The following DAB1 variants were observed in gnomAD, a reference collection of about 807,000 sequenced individuals.
DAB1 encodes disabled homolog 1.
A neutral mutation model predicts 64.6 loss-of-function variants in DAB1; 15 were observed. The ratio of observed to expected loss-of-function variants is 0.23; its 90% CI spans 0.16 to 0.36. The LOEUF (loss-of-function observed/expected upper bound fraction) is 0.36, where lower values mean the gene tolerates loss of function less well. Among genes scored for constraint, DAB1 ranks in the 10% least tolerant of loss-of-function variants. The probability of loss-of-function intolerance (pLI) is 1.00; values close to 1 mark genes in which losing one functional copy is unlikely to be tolerated. For synonymous variants in DAB1, 235 were observed against 251.9 expected (o/e 0.93, Z 0.64); for missense variants, 596 against 706.7 (o/e 0.84, Z 1.78).
intron 3 of DAB1, among the ~76,000 whole-genome samples, chr1:58,406,709 TCCCC>T (rs747746927): frequency 1.8e-4 from 13 of 72,910 alleles, no homozygotes; most frequent in East Asian, 1.5e-3. Flanking sequence ...GATAATATCA[TCCCC>T]CCCCCCCAAC....
chr1:57,710,939 C>T (rs1647020855), intron 6 of DAB1, among the ~76,000 whole-genome samples: 2 of 152,082 alleles, frequency 1.3e-5, no homozygotes, highest in African/African-American at 4.8e-5. Flanking sequence ...GCAGGAGGGT[C>T]AGGGAGGCAG....
At chr1:58,380,268 C>T (rs567888809) in intron 3 of DAB1, among the ~76,000 whole-genome samples, 1 of 152,324 alleles carries the variant, frequency 6.6e-6, no homozygotes, top group Non-Finnish European at 1.5e-5. Context: ...AGTGAGCTCT[C>T]ATAAGATCAG....
At chr1:57,423,070 T>C (rs1685051619) in intron 1 of DAB1, among the ~76,000 whole-genome samples, 1 of 151,786 alleles carries the variant, frequency 6.6e-6, no homozygotes, top group Non-Finnish European at 1.5e-5. Context: ...TCGGACTCCC[T>C]GCCTCTGGGT....
intron 3 of DAB1, among the ~76,000 whole-genome samples, chr1:58,430,084 T>C (rs998507224): frequency 2.0e-5 from 3 of 152,132 alleles, no homozygotes; most frequent in African/African-American, 7.2e-5. Flanking sequence ...TCTAATCACC[T>C]CCTAAAGGCC....
At chr1:57,117,866 A>AT (rs1187412054) in intron 4 of DAB1, among the ~76,000 whole-genome samples, 1 of 126,372 alleles carries the variant, frequency 7.9e-6, no homozygotes, top group Non-Finnish European at 1.6e-5. Flanking sequence ...AAGTAGTGGG[A>AT]TTTTTGAGGG....
intron 1 of DAB1, among the ~76,000 whole-genome samples, chr1:57,357,850 C>A (rs1014995927): frequency 4.0e-5 from 6 of 151,856 alleles, no homozygotes; most frequent in African/African-American, 1.5e-4. Flanking sequence ...ATGGGGGTAA[C>A]CATCCCCATG....
chr1:57,098,426 G>T (rs1283127995), intron 4 of DAB1, among the ~76,000 whole-genome samples: 3 of 152,158 alleles, frequency 2.0e-5, no homozygotes, highest in Non-Finnish European at 4.4e-5. Context: ...TTGAACTCAG[G>T]ACTATATGAA....
At chr1:57,785,453 C>A (rs928987256) in intron 6 of DAB1, among the ~76,000 whole-genome samples, 19 of 152,158 alleles carry the variant, frequency 1.2e-4, no homozygotes, top group African/African-American at 4.3e-4. Context: ...ATTCATCATT[C>A]TTCATGCCAT....
chr1:57,380,807 T>G (rs767627539), intron 1 of DAB1, among the ~76,000 whole-genome samples: 4 of 152,156 alleles, frequency 2.6e-5, no homozygotes, highest in Non-Finnish European at 5.9e-5. Flanking sequence ...GTACAGGAGC[T>G]TGATGAACAT....
rs143551210 is a variant in DAB1 at position 58,118,329 on chromosome 1, C to T, written n.387+32182G>A. ...AGACATTTGTTAGAATAGGCTATAG[C>T]GCATTCAGCTTAAGAGCAAAGACTT... On this transcript the variant is annotated intron_variant and non_coding_transcript_variant, in intron 5 of 20. Coordinates refer to the DAB1 transcript ENST00000485760. 5.2e-4 allele frequency among the ~76,000 whole-genome samples: 78 copies of T among 149,230 alleles called. No homozygotes were observed. The East Asian group carries it at 0.012, about 23-fold the overall frequency.
At chr1:57,468,873 A>T (rs1570548535) in intron 7 of DAB1, among the ~76,000 whole-genome samples, 2 of 152,160 alleles carry the variant, frequency 1.3e-5, no homozygotes, top group African/African-American at 4.8e-5. Context: ...TCATTTGACA[A>T]ATATTAACTC....
intron 2 of DAB1, among the ~76,000 whole-genome samples, chr1:57,161,365 G>A (rs1660729639): frequency 6.6e-6 from 1 of 152,054 alleles, no homozygotes; most frequent in South Asian, 2.1e-4. Context: ...AAAGTCCCCC[G>A]GCAAAACTGT....
intron 4 of DAB1, among the ~76,000 whole-genome samples, chr1:57,117,821 C>A (rs2100742803): frequency 6.6e-6 from 1 of 150,956 alleles, no homozygotes; most frequent in East Asian, 2.0e-4. Context: ...TTGAAGTCCA[C>A]TTCCCTTCTG....
intron 1 of DAB1, among the ~76,000 whole-genome samples, chr1:57,315,170 G>A (rs1675087131): frequency 6.6e-6 from 1 of 152,076 alleles, no homozygotes; most frequent in Admixed American, 6.6e-5. Context: ...CCACTCAAAT[G>A]TCACCTATTT....
chr1:57,466,481 A>G (rs1686957068), intron 7 of DAB1, among the ~76,000 whole-genome samples: 2 of 152,226 alleles, frequency 1.3e-5, no homozygotes. Flanking sequence ...TCTGAGCCTC[A>G]TCTATTAATT....
chr1:57,818,439 G>A (rs889088036), intron 6 of DAB1, among the ~76,000 whole-genome samples: 3 of 152,248 alleles, frequency 2.0e-5, no homozygotes, highest in South Asian at 4.1e-4. Context: ...TCACTTGGTA[G>A]TAAAATATGT....
chr1:57,318,942 A>G (rs1466885110), intron 1 of DAB1, among the ~76,000 whole-genome samples: 2 of 152,128 alleles, frequency 1.3e-5, no homozygotes, highest in Admixed American at 6.6e-5. Context: ...TTCCATCAAC[A>G]ACAGAAACAC....
At chr1:57,903,699 G>C (rs975056780) in intron 5 of DAB1, among the ~76,000 whole-genome samples, 1 of 152,146 alleles carries the variant, frequency 6.6e-6, no homozygotes, top group Non-Finnish European at 1.5e-5. Context: ...ATGATGTCAC[G>C]TCTCCCTCAC....
chr1:57,644,237 T>C (rs907501848), intron 7 of DAB1, among the ~76,000 whole-genome samples: 1 of 152,112 alleles, frequency 6.6e-6, no homozygotes, highest in Non-Finnish European at 1.5e-5. Flanking sequence ...CTAGACAGAA[T>C]GAACTGGAAT....
Sources: allele counts gnomAD v4.1 joint callset (sites outside exome capture counted in the v4.1 genomes callset), GRCh38; gene constraint gnomAD v4.1.1; transcripts MANE v1.5; gene names NCBI Gene and HGNC (gene_info 2026-07-23, HGNC 2026-07-21).